The following NCKAP5 variants were observed in gnomAD, a reference collection of about 807,000 sequenced individuals.
The protein encoded by NCKAP5 is NCK associated protein 5.
A neutral mutation model predicts 167.0 loss-of-function variants in NCKAP5; 92 were observed. The ratio of observed to expected loss-of-function variants is 0.55; its 90% confidence interval spans 0.47 to 0.66. NCKAP5 has a LOEUF of 0.66. NCKAP5 is among the 30% of genes least tolerant of loss of function. The probability of loss-of-function intolerance (pLI) is 0.00; values close to 1 mark genes in which losing one functional copy is unlikely to be tolerated. For missense variants in NCKAP5, 2,378 were observed against 2,315.0 expected, an observed-to-expected ratio of 1.03 and a Z score of -0.56; for synonymous variants, 891 against 877.4, an observed-to-expected ratio of 1.02 and a Z score of -0.27.
intron 3 of NCKAP5, among the ~76,000 whole-genome samples, chr2:133,336,997 T>C (rs1370519550): frequency 1.3e-5 from 2 of 152,062 alleles, no homozygotes; most frequent in Non-Finnish European, 2.9e-5. Flanking sequence ...TTATAATAAA[T>C]ACCAAACAAC....
the NCKAP5 span, among the ~76,000 whole-genome samples, chr2:133,622,251 T>C: frequency 6.6e-6 from 1 of 151,946 alleles, no homozygotes; most frequent in African/African-American, 2.4e-5. Flanking sequence ...CTTTCACCAC[T>C]TTTATTCAAC....
chr2:133,495,242 C>T (rs546901384), intron 3 of NCKAP5, among the ~76,000 whole-genome samples: 1 of 152,244 alleles, frequency 6.6e-6, no homozygotes, highest in African/African-American at 2.4e-5. Context: ...CATTTGGGCC[C>T]ATGTTCTCAG....
chr2:132,955,424 G>A (rs143860225), intron 8 of NCKAP5, among the ~76,000 whole-genome samples: 70 of 152,298 alleles, frequency 4.6e-4, no homozygotes, highest in African/African-American at 1.5e-3. Flanking sequence ...AGGCAGGGGC[G>A]CAGAAAGGTT....
intron 2 of NCKAP5, among the ~76,000 whole-genome samples, chr2:133,546,859 T>C (rs540714300): frequency 6.2e-4 from 95 of 152,126 alleles, no homozygotes; most frequent in South Asian, 6.2e-3. Flanking sequence ...TTCAAAAGAT[T>C]GAGAAAGGGG....
intron 3 of NCKAP5, among the ~76,000 whole-genome samples, chr2:133,452,714 G>A (rs761592269): frequency 4.6e-5 from 7 of 152,082 alleles, no homozygotes; most frequent in African/African-American, 1.4e-4. Flanking sequence ...CAAGATTGAC[G>A]CATCAGGAGT....
At chr2:133,255,735 T>A (rs1415804605) in intron 4 of NCKAP5, among the ~76,000 whole-genome samples, 1 of 152,214 alleles carries the variant, frequency 6.6e-6, no homozygotes, top group African/African-American at 2.4e-5. Context: ...TTGCAGCAGC[T>A]TTTATCCTGT....
intron 7 of NCKAP5, among the ~76,000 whole-genome samples, chr2:132,972,862 C>CAA (rs1287407851): frequency 3.2e-5 from 3 of 92,966 alleles, no homozygotes; most frequent in Admixed American, 2.4e-4. Flanking sequence ...ACTCCATCTC[C>CAA]AAAAAAAAAA....
chr2:133,375,774 C>A (rs1022968846), intron 3 of NCKAP5, among the ~76,000 whole-genome samples: 1 of 152,184 alleles, frequency 6.6e-6, no homozygotes, highest in African/African-American at 2.4e-5. Context: ...GAAATTATCT[C>A]ATTGCATTTT....
chr2:132,916,006 T>C (rs954962053), intron 8 of NCKAP5, among the ~76,000 whole-genome samples: 7 of 152,090 alleles, frequency 4.6e-5, no homozygotes, highest in Non-Finnish European at 1.0e-4. Context: ...TAAATGTGTA[T>C]ACTTTCTCTG....
intron 3 of NCKAP5, among the ~76,000 whole-genome samples, chr2:133,396,042 G>T (rs1687711322): frequency 6.6e-6 from 1 of 151,884 alleles, no homozygotes; most frequent in Non-Finnish European, 1.5e-5. Flanking sequence ...CATTGCCTTT[G>T]AGAATAACAC....
chr2:132,823,463 T>C (rs189956043), intron 11 of NCKAP5, among the ~76,000 whole-genome samples: 70 of 152,206 alleles, frequency 4.6e-4, no homozygotes, highest in Admixed American at 1.0e-3. Flanking sequence ...GCTTCATAAA[T>C]GAAGGAGAGA....
chr2:132,929,552 G>T (rs2149047300), intron 8 of NCKAP5, among the ~76,000 whole-genome samples: 1 of 152,274 alleles, frequency 6.6e-6, no homozygotes, highest in South Asian at 2.1e-4. Context: ...AAAATATTAT[G>T]ATTCTCAGGA....
rs1686382554 is a variant in NCKAP5 at position 133,543,321 on chromosome 2, A to C, written c.-62+15729T>G. Reference sequence around the variant, plus strand: ...CAGAAGCCAAGCAGATGCTGGCACCATGCTTGTACAACCAGCAGAACTGTG... The same window carrying C: ...CAGAAGCCAAGCAGATGCTGGCACCCTGCTTGTACAACCAGCAGAACTGTG... On this transcript the variant is annotated intron_variant, in intron 2 of 19. Transcript: ENST00000409261. Among the ~76,000 whole-genome samples, 10 of 152,178 alleles carry C rather than the reference A, an allele frequency of 6.6e-5. No homozygotes were observed. The South Asian group carries it at 2.1e-3, about 32-fold the overall frequency.
intron 3 of NCKAP5, among the ~76,000 whole-genome samples, chr2:133,470,370 C>G (rs1427182401): frequency 6.6e-6 from 1 of 152,034 alleles, no homozygotes; most frequent in African/African-American, 2.4e-5. Flanking sequence ...CTGCCGGTTC[C>G]CAGATCTCCA....
chr2:132,794,585 G>A (rs1280180741), intron 12 of NCKAP5, among the ~76,000 whole-genome samples: 2 of 151,186 alleles, frequency 1.3e-5, no homozygotes, highest in Non-Finnish European at 2.9e-5. Flanking sequence ...GCAGTGAGCC[G>A]AGATCATGCC....
intron 2 of NCKAP5, among the ~76,000 whole-genome samples, chr2:133,526,164 T>TGAGGAAGGAAGGAAGGAAGGAAGGAAGG (rs1684852458): frequency 1.1e-5 from 1 of 94,870 alleles, no homozygotes; most frequent in African/African-American, 4.1e-5. Flanking sequence ...AGAAAGGGAA[T>TGAGGAAGGAAGGAAGGAAGGAAGGAAGG]GAGGAAGGAA....
At chr2:132,679,817 T>G (rs1394123541) in intron 19 of NCKAP5, among the ~76,000 whole-genome samples, 1 of 152,156 alleles carries the variant, frequency 6.6e-6, no homozygotes, top group Admixed American at 6.5e-5. Flanking sequence ...TGTTATGTTC[T>G]TGTTGTGGGA....
chr2:132,935,718 G>A (rs1344341563), intron 8 of NCKAP5, among the ~76,000 whole-genome samples: 2 of 152,100 alleles, frequency 1.3e-5, no homozygotes, highest in East Asian at 1.9e-4. Context: ...AGATACAGGT[G>A]GTTGTTACCA....
intron 8 of NCKAP5, among the ~76,000 whole-genome samples, chr2:132,911,991 A>G (rs1694492327): frequency 6.6e-6 from 1 of 152,190 alleles, no homozygotes; most frequent in Non-Finnish European, 1.5e-5. Context: ...TGAGCTGGGG[A>G]TATCTGCAGA....
Sources: gnomAD v4.1 joint callset for allele counts (sites outside exome capture counted in the v4.1 genomes callset) on GRCh38, gnomAD v4.1.1 for gene constraint, MANE v1.5 for transcripts, NCBI Gene and HGNC (gene_info 2026-07-23, HGNC 2026-07-21) for gene names.